Variants in GPC6 observed in about 807,000 individuals in gnomAD.
GPC6 encodes glypican 6, also known as glypican-6.
GPC6 carries 14 observed loss-of-function variants against 55.2 expected under a neutral mutation model. The observed-to-expected ratio is 0.25, with a 90% CI of 0.17 to 0.40. GPC6 has a LOEUF of 0.40. Ranked by LOEUF, GPC6 falls within the 10% of genes least tolerant of loss-of-function variation. The probability of loss-of-function intolerance (pLI) is 1.00; values close to 1 mark genes in which losing one functional copy is unlikely to be tolerated. For synonymous variants in GPC6, 278 were observed against 259.6 expected (o/e 1.07, Z -0.68); for missense variants, 641 against 708.5 (o/e 0.90, Z 1.08).
At chr13:94,126,030 A>C (rs1347089919) in intron 4 of GPC6, among the ~76,000 whole-genome samples, 1 of 152,134 alleles carries the variant, frequency 6.6e-6, no homozygotes, top group Non-Finnish European at 1.5e-5. Context: ...ATTAAAGAAA[A>C]ATATAAGGAG....
chr13:93,610,176 G>C (rs1352485266), intron 2 of GPC6, among the ~76,000 whole-genome samples: 1 of 152,176 alleles, frequency 6.6e-6, no homozygotes, highest in East Asian at 1.9e-4. Context: ...CTCTGTTGTA[G>C]ATTTTACGGA....
At chr13:93,766,447 G>T (rs933265169) in intron 2 of GPC6, among the ~76,000 whole-genome samples, 2 of 152,020 alleles carry the variant, frequency 1.3e-5, no homozygotes, top group Admixed American at 1.3e-4. Context: ...ATACTATATT[G>T]TGCATTTAAA....
At chr13:93,457,116 A>G (rs1002289277) in intron 1 of GPC6, among the ~76,000 whole-genome samples, 4 of 152,180 alleles carry the variant, frequency 2.6e-5, no homozygotes, top group African/African-American at 4.8e-5. Flanking sequence ...CCAGTCATGT[A>G]GAACTGTGAG....
intron 3 of GPC6, among the ~76,000 whole-genome samples, chr13:93,844,185 C>T (rs1566565053): frequency 6.6e-6 from 1 of 152,100 alleles, no homozygotes; most frequent in African/African-American, 2.4e-5. Flanking sequence ...TGTCACCAGG[C>T]TGGAGTGCAA....
chr13:93,443,086 C>T (rs1877865717), intron 1 of GPC6, among the ~76,000 whole-genome samples: 1 of 152,116 alleles, frequency 6.6e-6, no homozygotes, highest in Non-Finnish European at 1.5e-5. Flanking sequence ...AACCTAACAC[C>T]TATCTGCAAT....
chr13:93,566,256 G>A (rs1449812603), intron 2 of GPC6, among the ~76,000 whole-genome samples: 4 of 152,166 alleles, frequency 2.6e-5, no homozygotes, highest in Non-Finnish European at 5.9e-5. Flanking sequence ...AGCTTATGAA[G>A]ATATTTTGAT....
rs888499782 is a variant in GPC6, at chr13:94,027,853, C to A, written c.836C>A (p.Ala279Glu). The A allele has an allele frequency of 6.2e-7, 1 of 1,614,028 alleles. No homozygotes were observed. Among genetic ancestry groups the A allele is most frequent in the Non-Finnish European group, 8.5e-7 (1 of 1,179,964 alleles). The change falls in exon 4 of 9, where the codon GCA becomes GAA. Residue 279 changes from alanine (A) to glutamate (E), a missense_variant. Ala to Glu is a moderately radical substitution (Grantham distance 107). Coordinates refer to ENST00000377047, the MANE Select transcript of GPC6 (RefSeq NM_005708.5). Reference protein sequence around the residue: ...YCLNVMKGCLANQADLDTEWN... With the variant: ...YCLNVMKGCLENQADLDTEWN... ...CTCAACGTCATGAAGGGCTGCTTGG[C>A]AAATCAGGCTGACCTCGACACAGAG...
At chr13:93,386,350 C>T (rs561850073) in intron 1 of GPC6, among the ~76,000 whole-genome samples, 1 of 152,248 alleles carries the variant, frequency 6.6e-6, no homozygotes, top group East Asian at 1.9e-4. Context: ...GATGTCTCCC[C>T]AGACCGTTCT....
chr13:93,741,337 G>A (rs983722941), intron 2 of GPC6, among the ~76,000 whole-genome samples: 5 of 151,740 alleles, frequency 3.3e-5, no homozygotes, highest in Admixed American at 6.6e-5. Context: ...GGATGGTCTC[G>A]ATCTCCTGAC....
At position 94,403,192 on chromosome 13, in the gene GPC6, T is replaced by C. The variant is rs753964564; in HGVS notation, c.1643T>C (p.Leu548Pro). 8.1e-6 allele frequency: 13 copies of C among 1,612,940 alleles called. No individual in the cohort carries two copies. The East Asian group carries it at 2.9e-4, about 36-fold the overall frequency. ...TCCTGGTCTCTCACCTGCATTGTCC[T>C]GGCACTGCAGAGACTGTGCAGATAA... ...LLSWSLTCIV[L>P]ALQRLCR Residue 548 changes from leucine (L) to proline (P), a missense_variant, in exon 9 of 9, where the codon CTG (leucine) becomes CCG (proline). By Grantham distance (98) the Leu-to-Pro change is moderately conservative (BLOSUM62 -3). Transcript: ENST00000377047.
At chr13:93,993,737 A>C (rs1203774586) in intron 3 of GPC6, among the ~76,000 whole-genome samples, 1 of 152,186 alleles carries the variant, frequency 6.6e-6, no homozygotes, top group East Asian at 1.9e-4. Context: ...GTGCTATGAA[A>C]ATTTAGTTGG....
intron 2 of GPC6, among the ~76,000 whole-genome samples, chr13:93,608,224 T>TA (rs1478389466): frequency 2.0e-5 from 3 of 151,832 alleles, no homozygotes; most frequent in Non-Finnish European, 4.4e-5. Context: ...TTTTTTTTTT[T>TA]ACAGAACAAA....
intron 2 of GPC6, among the ~76,000 whole-genome samples, chr13:93,621,434 G>A (rs1342298904): frequency 6.6e-6 from 1 of 152,152 alleles, no homozygotes; most frequent in African/African-American, 2.4e-5. Context: ...ATTAAATCTT[G>A]TGGTAGCCAT....
chr13:93,376,025 G>A (rs1466703047), intron 1 of GPC6, among the ~76,000 whole-genome samples: 2 of 149,974 alleles, frequency 1.3e-5, no homozygotes, highest in Non-Finnish European at 3.0e-5. Context: ...TTGGTTATTT[G>A]TGCAATAGAT....
At chr13:93,358,969 C>T (rs1035694073) in intron 1 of GPC6, among the ~76,000 whole-genome samples, 1 of 130,880 alleles carries the variant, frequency 7.6e-6, no homozygotes, top group African/African-American at 3.1e-5. Context: ...CCTTAATTCT[C>T]TCTCTCTTTT....
intron 4 of GPC6, among the ~76,000 whole-genome samples, chr13:94,216,413 T>C (rs1447926355): frequency 6.6e-6 from 1 of 152,138 alleles, no homozygotes; most frequent in African/African-American, 2.4e-5. Context: ...GTACTTCACA[T>C]TGTGCAAAAT....
intron 1 of GPC6, among the ~76,000 whole-genome samples, chr13:93,521,507 C>T (rs879274486): frequency 1.4e-4 from 22 of 151,906 alleles, no homozygotes; most frequent in Non-Finnish European, 2.8e-4. Context: ...CTTGTGAACG[C>T]TGGTGCAGGC....
At chr13:93,235,441 G>C (rs1594044293) in intron 1 of GPC6, among the ~76,000 whole-genome samples, 1 of 152,162 alleles carries the variant, frequency 6.6e-6, no homozygotes, top group East Asian at 1.9e-4. Flanking sequence ...CGAAAGTATT[G>C]TTTTGGATTA....
intron 1 of GPC6, among the ~76,000 whole-genome samples, chr13:93,344,263 A>C (rs1566309216): frequency 1.3e-5 from 2 of 152,192 alleles, no homozygotes; most frequent in East Asian, 3.9e-4. Context: ...AAACACAAAG[A>C]GGGACATTTC....
Sources: gnomAD v4.1 joint callset for allele counts (sites outside exome capture counted in the v4.1 genomes callset) on GRCh38, gnomAD v4.1.1 for gene constraint, MANE v1.5 for transcripts, NCBI Gene and HGNC (gene_info 2026-07-23, HGNC 2026-07-21) for gene names.